SOCS6: variants seen among roughly 807,000 people sequenced by gnomAD.
The protein encoded by SOCS6 is STAT induced STAT inhibitor-4.
In SOCS6, 5 loss-of-function variants were observed where a neutral mutation model predicts 27.7. The ratio of observed to expected loss-of-function variants is 0.18; its 90% CI spans 0.09 to 0.38. The LOEUF (loss-of-function observed/expected upper bound fraction) is 0.38, where lower values mean the gene tolerates loss of function less well. Among genes scored for constraint, SOCS6 ranks in the 10% least tolerant of loss-of-function variants. The pLI, the probability that SOCS6 is intolerant of heterozygous loss-of-function variation, is 1.00. For missense variants in SOCS6, 595 were observed against 688.1 expected, an observed-to-expected ratio of 0.86 and a Z score of 1.51; for synonymous variants, 271 against 260.0, an observed-to-expected ratio of 1.04 and a Z score of -0.41.
At chr18:70,314,759 G>A (rs1455436255) in intron 1 of SOCS6, among the ~76,000 whole-genome samples, 1 of 151,700 alleles carries the variant, frequency 6.6e-6, no homozygotes, top group Non-Finnish European at 1.5e-5. Flanking sequence ...TTTATTTCTT[G>A]TCTAATTCAT....
Position 70,325,083 on chromosome 18 carries a change from C to T in SOCS6, c.415C>T (p.Leu139=). 1.2e-6 allele frequency: 2 copies of T among 1,614,084 alleles called. No individual in the cohort carries two copies. The highest frequency in any genetic ancestry group is 1.7e-6 in the Non-Finnish European group (2 of 1,180,038). ...TCACTACAGTCCCGCGCCGTGGCCT[C>T]TGCGGCCCACAAACTCCGAGGAGAC... The part of the protein sequence containing the change: ...SHHYSPAPWP[L]RPTNSEETCI... The change falls in exon 2 of 2, where the codon CTG becomes TTG. Residue 139 remains leucine (L), a synonymous_variant. Transcript: ENST00000397942. This position sits in a 1 kb window ranked among gnomAD's most constrained non-coding sequence, Gnocchi z 6.3.
chr18:70,316,400 G>C (rs1424325696), intron 1 of SOCS6, among the ~76,000 whole-genome samples: 1 of 152,018 alleles, frequency 6.6e-6, no homozygotes, highest in Non-Finnish European at 1.5e-5. Context: ...AGTTTTTAGG[G>C]TACAGAATCC....
chr18:70,315,414 A>G (rs1479121371), intron 1 of SOCS6, among the ~76,000 whole-genome samples: 5 of 152,106 alleles, frequency 3.3e-5, no homozygotes, highest in South Asian at 2.1e-4. Context: ...TTGATGATAT[A>G]TATTTTGCTA....
intron 1 of SOCS6, among the ~76,000 whole-genome samples, chr18:70,321,486 ATT>A (rs765150837): frequency 0.04 from 4,499 of 112,598 alleles, 145 homozygotes; most frequent in African/African-American, 0.098. Flanking sequence ...ATGCCTGGCT[ATT>A]TTTTTTTTTT....
In SOCS6 at chr18:70,327,114, T is replaced by C. The variant is rs879471836; in HGVS notation, c.*838T>C. On this transcript the variant is annotated 3_prime_UTR_variant, in exon 2 of 2. Coordinates refer to ENST00000397942, the MANE Select transcript of SOCS6 (RefSeq NM_004232.4). The stretch of plus-strand genomic sequence containing the variant: ...TTATTATTAAAGAAATATTAGATGA[T>C]CATAGCTTCCTGTGATAGCATTTTT... 6.0e-5 allele frequency: 10 copies of C among 167,116 alleles called. No individual in the cohort carries two copies. The highest frequency in any genetic ancestry group is 2.4e-4 in the African/African-American group (10 of 41,584). 10.4% of individuals were successfully genotyped at this position (167,116 alleles called of 1,614,324 possible). A position where few individuals can be genotyped will look rare whatever the true frequency, so the allele number is the denominator to read the frequency against.
chr18:70,294,243 A>G (rs1008004771), intron 1 of SOCS6, among the ~76,000 whole-genome samples: 2 of 152,166 alleles, frequency 1.3e-5, no homozygotes, highest in African/African-American at 4.8e-5. Context: ...AAGTAATAGT[A>G]ATAATTCCTA....
rs1911153087 is a variant in SOCS6 at position 70,325,229 on chromosome 18, A to G, written c.561A>G (p.Gln187=). Residue 187 remains glutamine, a synonymous_variant, in exon 2 of 2, where the codon CAA becomes CAG. Coordinates refer to ENST00000397942, the MANE Select transcript of SOCS6 (RefSeq NM_004232.4). This position sits in a 1 kb window ranked among gnomAD's most constrained non-coding sequence, Gnocchi z 6.3. ...AGTCTGAGACCACGTGCCAGGAGCAAGCCAATTCACTGAAGAGCTCGGCTT... is the reference window on the plus strand; with the variant it reads ...AGTCTGAGACCACGTGCCAGGAGCAGGCCAATTCACTGAAGAGCTCGGCTT... ...DLQSETTCQE[Q]ANSLKSSASH... The G allele has an allele frequency of 6.2e-7, 1 of 1,614,130 alleles. No homozygotes were observed. The highest frequency in any genetic ancestry group is 1.3e-5 in the African/African-American group (1 of 75,050).
Position 70,324,667 on chromosome 18 carries a change from T to A in SOCS6, c.-2T>A. 2 of 1,551,440 alleles carry A rather than the reference T, an allele frequency of 1.3e-6. No individual in the cohort carries two copies. The stretch of plus-strand genomic sequence containing the variant: ...ATCCCTTGGATTAGGTAACTAGTCA[T>A]AATGAAGAAAATTAGTCTTAAAACC... On this transcript the variant is annotated 5_prime_UTR_variant, in exon 2 of 2. Coordinates refer to ENST00000397942, the MANE Select transcript of SOCS6 (RefSeq NM_004232.4).
Position 70,330,066 on chromosome 18 carries a change from A to G in SOCS6, c.*3790A>G, listed in dbSNP as rs1206951680. 1 of 167,110 alleles carries G rather than the reference A, an allele frequency of 6.0e-6. No individual in the cohort carries two copies. The highest frequency in any genetic ancestry group is 1.5e-5 in the Non-Finnish European group (1 of 68,112). 10.4% of individuals were successfully genotyped at this position (167,110 alleles called of 1,614,324 possible). On this transcript the variant is annotated 3_prime_UTR_variant, in exon 2 of 2. Transcript: ENST00000397942. ...CCACAGAATGAATTATCCAAAGTCC[A>G]TTGATTTTAATACGTGTTTTGGTTT...
intron 1 of SOCS6, among the ~76,000 whole-genome samples, chr18:70,304,600 G>T (rs1195909030): frequency 2.0e-5 from 3 of 152,056 alleles, no homozygotes; most frequent in Non-Finnish European, 2.9e-5. Context: ...TTTGGTCAAA[G>T]GTTTGTTCAC....
chr18:70,309,906 G>A (rs534167041), intron 1 of SOCS6, among the ~76,000 whole-genome samples: 4 of 152,140 alleles, frequency 2.6e-5, no homozygotes, highest in East Asian at 1.9e-4. Context: ...GGCTGGTCTC[G>A]AACTCCTGAC....
At chr18:70,293,196 C>CT (rs1159817536) in intron 1 of SOCS6, among the ~76,000 whole-genome samples, 1 of 152,120 alleles carries the variant, frequency 6.6e-6, no homozygotes, top group East Asian at 1.9e-4. Flanking sequence ...TTATCTACAC[C>CT]TTAAAGGCAG....
intron 1 of SOCS6, among the ~76,000 whole-genome samples, chr18:70,291,459 GTT>G: frequency 6.6e-6 from 1 of 152,262 alleles, no homozygotes; most frequent in Admixed American, 6.5e-5. Flanking sequence ...AATCTTGCTA[GTT>G]TTCTCCATTA....
chr18:70,306,376 T>A (rs1273957474), intron 1 of SOCS6, among the ~76,000 whole-genome samples: 1 of 145,174 alleles, frequency 6.9e-6, no homozygotes, highest in Admixed American at 7.2e-5. Context: ...GGGAGGCTAC[T>A]GGGAGCTGAG....
intron 1 of SOCS6, among the ~76,000 whole-genome samples, chr18:70,308,130 G>A (rs2062376673): frequency 6.6e-6 from 1 of 152,140 alleles, no homozygotes; most frequent in African/African-American, 2.4e-5. Flanking sequence ...TGTTTTTCCA[G>A]ATTTATTTCT....
intron 1 of SOCS6, among the ~76,000 whole-genome samples, chr18:70,321,762 T>A (rs1911003331): frequency 6.6e-6 from 1 of 152,168 alleles, no homozygotes; most frequent in East Asian, 1.9e-4. Context: ...ACCACTGATG[T>A]AAGCAGTAGA....
At chr18:70,295,849 G>A (rs1035588415) in intron 1 of SOCS6, among the ~76,000 whole-genome samples, 13 of 152,188 alleles carry the variant, frequency 8.5e-5, no homozygotes, top group Admixed American at 4.6e-4. Context: ...ATTAGTAGTC[G>A]ATTTCAGAGT....
intron 1 of SOCS6, among the ~76,000 whole-genome samples, chr18:70,303,480 A>G (rs958668392): frequency 6.6e-6 from 1 of 152,178 alleles, no homozygotes; most frequent in South Asian, 2.1e-4. Context: ...CATATTGCCA[A>G]ATTAATTTTT....
At chr18:70,302,344 TC>T (rs143641364) in intron 1 of SOCS6, among the ~76,000 whole-genome samples, 4,464 of 151,978 alleles carry the variant, frequency 0.029, 242 homozygotes, top group African/African-American at 0.1. Context: ...ATGAGAGTGT[TC>T]CAGGGGTGGA....
Sources: gnomAD v4.1 joint callset for allele counts (sites outside exome capture counted in the v4.1 genomes callset) on GRCh38, gnomAD v4.1.1 for gene constraint, Gnocchi (gnomAD v3.1) non-coding constraint, MANE v1.5 for transcripts, NCBI Gene and HGNC (gene_info 2026-07-23, HGNC 2026-07-21) for gene names.